The following CNTNAP2 variants were observed in gnomAD, a reference collection of about 807,000 sequenced individuals.
CNTNAP2 encodes contactin associated protein 2.
CNTNAP2 carries 98 observed loss-of-function variants against 155.2 expected under a neutral mutation model. The ratio of observed to expected loss-of-function variants is 0.63; its 90% CI spans 0.54 to 0.75. CNTNAP2 has a LOEUF of 0.75. Among genes scored for constraint, CNTNAP2 ranks in the 30% least tolerant of loss-of-function variants. The probability of loss-of-function intolerance (pLI) is 0.00; values close to 1 mark genes in which losing one functional copy is unlikely to be tolerated. For synonymous variants in CNTNAP2, 651 were observed against 631.2 expected, an observed-to-expected ratio of 1.03 and a Z score of -0.47; for missense variants, 1,727 against 1,688.1, an observed-to-expected ratio of 1.02 and a Z score of -0.40.
chr7:146,950,604 C>A (rs1390252104), intron 3 of CNTNAP2, among the ~76,000 whole-genome samples: 2 of 152,116 alleles, frequency 1.3e-5, no homozygotes, highest in African/African-American at 4.8e-5. Flanking sequence ...TTATCCATGT[C>A]CCTGCAAAGG....
chr7:147,529,801 AT>A (rs1799399226), intron 11 of CNTNAP2, among the ~76,000 whole-genome samples: 1 of 152,244 alleles, frequency 6.6e-6, no homozygotes, highest in Non-Finnish European at 1.5e-5. Context: ...ACAGAGCCGG[AT>A]AAAAAGATTT....
intron 1 of CNTNAP2, among the ~76,000 whole-genome samples, chr7:146,375,685 CCAAA>C (rs1449985781): frequency 6.6e-6 from 1 of 152,082 alleles, no homozygotes; most frequent in African/African-American, 2.4e-5. Flanking sequence ...AAAAAGGCAA[CCAAA>C]CAATGAAATA....
intron 21 of CNTNAP2, among the ~76,000 whole-genome samples, chr7:148,323,821 G>T (rs1797841860): frequency 6.6e-6 from 1 of 151,916 alleles, no homozygotes; most frequent in Admixed American, 6.6e-5. Context: ...TGCTGTCTGT[G>T]GGTCAACCTT....
intron 2 of CNTNAP2, among the ~76,000 whole-genome samples, chr7:146,815,806 A>G (rs2129194927): frequency 6.6e-6 from 1 of 152,252 alleles, no homozygotes; most frequent in East Asian, 1.9e-4. Flanking sequence ...GATGTGCACA[A>G]CGTGCAGGTT....
At chr7:147,650,090 A>G (rs1407389328) in intron 13 of CNTNAP2, among the ~76,000 whole-genome samples, 1 of 152,188 alleles carries the variant, frequency 6.6e-6, no homozygotes. Flanking sequence ...TTTCCAGTTC[A>G]TATATTTTCC....
chr7:147,526,191 CAAAAA>C (rs200655145), intron 11 of CNTNAP2, among the ~76,000 whole-genome samples: 3 of 63,772 alleles, frequency 4.7e-5, no homozygotes, highest in African/African-American at 6.3e-5. Flanking sequence ...GACTCCATCT[CAAAAA>C]AAAAAAAAAA....
intron 4 of CNTNAP2, among the ~76,000 whole-genome samples, chr7:147,076,339 T>C (rs538365797): frequency 1.4e-4 from 21 of 152,302 alleles, no homozygotes; most frequent in African/African-American, 5.1e-4. Context: ...TGGTGTGAGA[T>C]GGTATCTCAT....
chr7:147,619,662 C>G (rs929914346), intron 12 of CNTNAP2, among the ~76,000 whole-genome samples: 1 of 152,170 alleles, frequency 6.6e-6, no homozygotes, highest in Non-Finnish European at 1.5e-5. Context: ...AGCCACAGTA[C>G]AACAGAACAG....
chr7:146,376,698 C>G (rs1219176836), intron 1 of CNTNAP2, among the ~76,000 whole-genome samples: 1 of 152,118 alleles, frequency 6.6e-6, no homozygotes, highest in East Asian at 1.9e-4. Context: ...ATGCATGTGT[C>G]TCATCCAAAT....
chr7:147,944,570 CAA>C (rs1800787176), intron 14 of CNTNAP2, among the ~76,000 whole-genome samples: 1 of 152,152 alleles, frequency 6.6e-6, no homozygotes, highest in African/African-American at 2.4e-5. Flanking sequence ...GGGAAATTGA[CAA>C]GTGTGTCTGT....
At chr7:147,341,692 AT>A (rs35945526) in intron 9 of CNTNAP2, among the ~76,000 whole-genome samples, 59,602 of 149,078 alleles carry the variant, frequency 0.4, 12,116 homozygotes, top group South Asian at 0.49. Context: ...TCATCTGATG[AT>A]TTTTTTTTTA....
chr7:146,852,436 T>G (rs954552850), intron 3 of CNTNAP2, among the ~76,000 whole-genome samples: 1 of 152,114 alleles, frequency 6.6e-6, no homozygotes, highest in African/African-American at 2.4e-5. Context: ...CTATCCTAGA[T>G]AGCAAATGAA....
chr7:146,875,934 CAAAAAAAAAAAAAAA>C (rs56304234), intron 3 of CNTNAP2, among the ~76,000 whole-genome samples: 3 of 55,134 alleles, frequency 5.4e-5, no homozygotes, highest in Non-Finnish European at 1.0e-4. Context: ...ACATACACAG[CAAAAAAAAAAAAAAA>C]AAAAAAAAAA....
intron 8 of CNTNAP2, among the ~76,000 whole-genome samples, chr7:147,143,577 T>G (rs1434552038): frequency 2.0e-5 from 3 of 152,184 alleles, no homozygotes; most frequent in Non-Finnish European, 4.4e-5. Flanking sequence ...ATTGATTTTT[T>G]TAATGTACTG....
chr7:147,856,487 A>G (rs1004973933), intron 13 of CNTNAP2, among the ~76,000 whole-genome samples: 1 of 152,114 alleles, frequency 6.6e-6, no homozygotes, highest in Non-Finnish European at 1.5e-5. Flanking sequence ...ATCCTCCTCT[A>G]TGTTCGAAGG....
chr7:148,036,026 C>T (rs934616185), intron 15 of CNTNAP2, among the ~76,000 whole-genome samples: 11 of 152,176 alleles, frequency 7.2e-5, no homozygotes, highest in Non-Finnish European at 1.6e-4. Context: ...ATGGGCATGT[C>T]TATACTATGC....
intron 1 of CNTNAP2, among the ~76,000 whole-genome samples, chr7:146,368,927 T>C (rs2129102358): frequency 6.7e-6 from 1 of 149,916 alleles, no homozygotes; most frequent in East Asian, 2.0e-4. Context: ...CTTGTGTTAT[T>C]GAATTAAGCC....
rs73461484 is a variant in CNTNAP2, at chr7:146,893,626, C to T, written c.402+53722C>T. Among the ~76,000 whole-genome samples the T allele has an allele frequency of 2.7e-3, 403 of 152,034 alleles. 1 individual carries two copies. Among genetic ancestry groups the T allele is most frequent in the African/African-American group, 9.0e-3 (374 of 41,474 alleles). ...CTGACTATTCATCTGTTCTAGCTTCCGGTCCTGCAAGAAGTTTGGTGAATG... is the reference window on the plus strand; with the variant it reads ...CTGACTATTCATCTGTTCTAGCTTCTGGTCCTGCAAGAAGTTTGGTGAATG... On this transcript the variant is annotated intron_variant, in intron 3 of 23. Coordinates refer to ENST00000361727, the MANE Select transcript of CNTNAP2 (RefSeq NM_014141.6).
intron 1 of CNTNAP2, among the ~76,000 whole-genome samples, chr7:146,734,303 A>G (rs1162148120): frequency 6.6e-6 from 1 of 152,138 alleles, no homozygotes; most frequent in Non-Finnish European, 1.5e-5. Flanking sequence ...ATATAAATAT[A>G]TAGAGAGTTA....
Sources: allele counts gnomAD v4.1 joint callset (sites outside exome capture counted in the v4.1 genomes callset), GRCh38; gene constraint gnomAD v4.1.1; transcripts MANE v1.5; gene names NCBI Gene and HGNC (gene_info 2026-07-23, HGNC 2026-07-21).